The following ZBED6 variants were observed in gnomAD, a reference collection of about 807,000 sequenced individuals.
The protein encoded by ZBED6 is zinc finger BED-type containing 6.
In ZBED6, 40 loss-of-function variants were observed where a neutral mutation model predicts 58.4. The observed-to-expected ratio is 0.68, with a 90% CI of 0.53 to 0.89. The LOEUF (loss-of-function observed/expected upper bound fraction) is 0.89. Among genes scored for constraint, ZBED6 ranks in the 40% least tolerant of loss-of-function variants. The pLI is 0.00. For missense variants in ZBED6, 1,057 were observed against 1,003.9 expected (o/e 1.05, Z -0.71); for synonymous variants, 439 against 350.6 (o/e 1.25, Z -2.82).
intron 9 of ZBED6, among the ~76,000 whole-genome samples, chr1:203,836,439 T>G (rs1684350809): frequency 6.6e-6 from 1 of 152,284 alleles, no homozygotes; most frequent in Non-Finnish European, 1.5e-5. Flanking sequence ...TTTAAACAAC[T>G]TGTATTGAAC....
In ZBED6 at chr1:203,849,580, A is replaced by C. The variant is rs928284410; in HGVS notation, c.*4323-131A>C. On this transcript the variant is annotated intron_variant, in intron 13 of 16. Transcript: ENST00000550078. ...ACAGGGTATTGTCTATTTAACATCA[A>C]ATAAAGAGCTTTTCTCTCAGATTCT... 5 of 869,456 alleles carry C rather than the reference A, an allele frequency of 5.8e-6. No individual in the cohort carries two copies. The East Asian group carries it at 1.2e-4, about 21-fold the overall frequency. 53.9% of individuals were successfully genotyped at this position (869,456 alleles called of 1,614,324 possible).
chr1:203,797,846 G>A (rs1030113174), exon 1 of ZBED6: 117 of 1,536,118 alleles, frequency 7.6e-5, no homozygotes, highest in Middle Eastern at 1.7e-4. Context: ...ATGACCCTGA[G>A]CAGGATGAAG....
chr1:203,853,204 C>G (rs1260362160), exon 17 of ZBED6: 1 of 152,400 alleles, frequency 6.6e-6, no homozygotes, highest in African/African-American at 2.4e-5. Flanking sequence ...TGCCTCCTTG[C>G]TGGCATTGAA....
At chr1:203,816,465 A>T (rs1168209939) in intron 1 of ZBED6, among the ~76,000 whole-genome samples, 3 of 152,010 alleles carry the variant, frequency 2.0e-5, no homozygotes, top group African/African-American at 4.8e-5. Flanking sequence ...CTTTACAAAA[A>T]TTTTTTTTAA....
intron 3 of ZBED6, among the ~76,000 whole-genome samples, chr1:203,820,468 A>ATGTGTGTGTGTGTGTGTGTGTGTG (rs71145033): frequency 1.2e-3 from 174 of 150,478 alleles, no homozygotes; most frequent in African/African-American, 2.5e-3. Context: ...ATCACAAATT[A>ATGTGTGTGTGTGTGTGTGTGTGTG]TGTGTGTGTG....
At chr1:203,836,477 C>T (rs546391529) in intron 9 of ZBED6, among the ~76,000 whole-genome samples, 144 of 152,244 alleles carry the variant, frequency 9.5e-4, no homozygotes, top group African/African-American at 3.2e-3. Context: ...AGGCTGGGCG[C>T]GGTAGCTTAC....
chr1:203,825,619 A>G (rs1028849487), intron 3 of ZBED6, among the ~76,000 whole-genome samples: 8 of 152,008 alleles, frequency 5.3e-5, no homozygotes, highest in African/African-American at 1.9e-4. Flanking sequence ...ATTTTTTAGT[A>G]GAGACGGGGT....
chr1:203,848,813 G>A (rs2103426687), intron 13 of ZBED6, among the ~76,000 whole-genome samples: 1 of 152,150 alleles, frequency 6.6e-6, no homozygotes, highest in African/African-American at 2.4e-5. Context: ...TACAAAAGTT[G>A]GAAATTTTAT....
exon 2 of ZBED6, chr1:203,816,995 T>C (rs1292250688): frequency 6.6e-6 from 7 of 1,067,272 alleles, no homozygotes; most frequent in Non-Finnish European, 9.6e-6. Flanking sequence ...TCACGAGGAC[T>C]TGGAGCCTGG....
chr1:203,834,973 A>C (rs1402625038), intron 9 of ZBED6, among the ~76,000 whole-genome samples: 1 of 152,210 alleles, frequency 6.6e-6, no homozygotes, highest in Admixed American at 6.5e-5. Context: ...ATTTTTTCTG[A>C]CTTCAGAATT....
rs186836067 is a variant in ZBED6 at position 203,817,949 on chromosome 1, G to A, written c.*2754-621G>A. On this transcript the variant is annotated intron_variant, in intron 2 of 16. Transcript: ENST00000550078. Reference sequence around the variant, plus strand: ...ATTTTTAGTACAGACAGGGTTTCACGTGTTGGCCAGGCTTGTCTTGAACTC... The same window carrying A: ...ATTTTTAGTACAGACAGGGTTTCACATGTTGGCCAGGCTTGTCTTGAACTC... 1.9e-3 allele frequency among the ~76,000 whole-genome samples: 295 copies of A among 152,002 alleles called. 2 individuals carry two copies. The highest frequency in any genetic ancestry group is 6.7e-3 in the African/African-American group (277 of 41,500).
chr1:203,795,931 T>C (rs1274882551), exon 1 of ZBED6: 1 of 151,918 alleles, frequency 6.6e-6, no homozygotes, highest in East Asian at 2.0e-4. Flanking sequence ...ATCCTTCAGC[T>C]TCGCCGTAAC....
At chr1:203,841,157 ATTTT>A (rs76329142) in intron 11 of ZBED6, among the ~76,000 whole-genome samples, 1 of 110,344 alleles carries the variant, frequency 9.1e-6, no homozygotes, top group Non-Finnish European at 2.0e-5. Flanking sequence ...TTTTTTTTTT[ATTTT>A]TTTTTTTAGT....
chr1:203,816,488 G>A (rs1676421844), intron 1 of ZBED6, among the ~76,000 whole-genome samples: 1 of 151,994 alleles, frequency 6.6e-6, no homozygotes, highest in South Asian at 2.1e-4. Context: ...AATTAGCTGG[G>A]TATAGTGGTA....
chr1:203,800,233 A>G, exon 1 of ZBED6: 4 of 1,309,694 alleles, frequency 3.1e-6, no homozygotes, highest in Non-Finnish European at 4.3e-6. Context: ...GTTGCCATCC[A>G]GTATCTAAGT....
chr1:203,831,158 G>A (rs1682220145), intron 7 of ZBED6, among the ~76,000 whole-genome samples: 1 of 151,634 alleles, frequency 6.6e-6, no homozygotes, highest in African/African-American at 2.4e-5. Context: ...TGGTTGGGCT[G>A]GTCTCGAACT....
At chr1:203,851,220 CAAAT>C (rs1689174043) in intron 16 of ZBED6, 96 bp downstream of exon 16, 1 of 1,102,614 alleles carries the variant, frequency 9.1e-7, no homozygotes, top group Non-Finnish European at 1.3e-6. Flanking sequence ...TAGCAACATT[CAAAT>C]AAATCTGTTG....
chr1:203,797,509 G>T, exon 1 of ZBED6: 2 of 1,475,184 alleles, frequency 1.4e-6, no homozygotes, highest in East Asian at 2.5e-5. Context: ...ACGAATTGTG[G>T]AGACATAAAG....
chr1:203,842,049 G>C (rs556633207), intron 11 of ZBED6, among the ~76,000 whole-genome samples: 137 of 150,706 alleles, frequency 9.1e-4, no homozygotes, highest in African/African-American at 3.2e-3. Context: ...ATGGGCGGCC[G>C]GGCAGAGACA....
Sources: allele counts gnomAD v4.1 joint callset (sites outside exome capture counted in the v4.1 genomes callset), GRCh38; gene constraint gnomAD v4.1.1; transcripts MANE v1.5; gene names NCBI Gene and HGNC (gene_info 2026-07-23, HGNC 2026-07-21).